Variants in DPF3 observed in about 807,000 individuals in gnomAD.
The protein encoded by DPF3 is zinc finger protein DPF3.
DPF3 carries 18 observed loss-of-function variants against 56.8 expected under a neutral mutation model. The ratio of observed to expected loss-of-function variants is 0.32; its 90% CI spans 0.22 to 0.47. The LOEUF (loss-of-function observed/expected upper bound fraction) is 0.47. Among genes scored for constraint, DPF3 ranks in the 20% least tolerant of loss-of-function variants. DPF3 has a pLI of 1.00. For missense variants in DPF3, 403 were observed against 488.8 expected (o/e 0.82, Z 1.65); for synonymous variants, 188 against 180.2 (o/e 1.04, Z -0.35).
chr14:72,710,566 G>A (rs1260553379), intron 6 of DPF3, among the ~76,000 whole-genome samples: 5 of 152,186 alleles, frequency 3.3e-5, no homozygotes, highest in African/African-American at 7.2e-5. Flanking sequence ...CCTGAAGAGC[G>A]CTCAGAAAAT....
chr14:72,642,642 G>A (rs148439841), intron 8 of DPF3, among the ~76,000 whole-genome samples: 8 of 152,258 alleles, frequency 5.3e-5, no homozygotes, highest in Non-Finnish European at 1.0e-4. Flanking sequence ...GGCATGGCCC[G>A]AGGAGACTCA....
rs191683551 is a variant in DPF3 at position 72,726,104 on chromosome 14, G to A, written c.430-2376C>T. ...GTAGGTGGGAACACTAGCAAAAGCC[G>A]ACTGAGACAGTGACAGGTCAAATGC... On this transcript the variant is annotated intron_variant, in intron 4 of 10. Transcript: ENST00000556509. Among the ~76,000 whole-genome samples, 255 of 152,298 alleles carry A rather than the reference G, an allele frequency of 1.7e-3. 1 individual carries two copies. Among genetic ancestry groups the A allele is most frequent in the Non-Finnish European group, 2.5e-3 (169 of 68,022 alleles).
At chr14:72,673,758 G>T (rs1466811527) in intron 8 of DPF3, among the ~76,000 whole-genome samples, 1 of 152,080 alleles carries the variant, frequency 6.6e-6, no homozygotes, top group Non-Finnish European at 1.5e-5. Context: ...TATGCAGCTA[G>T]CCAGGAGCCC....
chr14:72,832,099 C>T (rs1307917680), intron 1 of DPF3, among the ~76,000 whole-genome samples: 2 of 152,086 alleles, frequency 1.3e-5, no homozygotes, highest in African/African-American at 4.8e-5. Flanking sequence ...CACCTGTAGT[C>T]CCAGCTACTC....
intron 1 of DPF3, among the ~76,000 whole-genome samples, chr14:72,870,991 T>G (rs1229714991): frequency 1.4e-4 from 22 of 151,784 alleles, no homozygotes; most frequent in Non-Finnish European, 2.4e-4. Context: ...GGACTTAAAG[T>G]CCTCAGAATC....
At chr14:72,651,991 C>T (rs76659239) in intron 8 of DPF3, among the ~76,000 whole-genome samples, 2,881 of 152,330 alleles carry the variant, frequency 0.019, 57 homozygotes, top group East Asian at 0.095. Context: ...GCTGGCACGA[C>T]TCTGTCACTG....
chr14:72,885,382 GTTT>G (rs1886505356), intron 1 of DPF3, among the ~76,000 whole-genome samples: 1 of 125,108 alleles, frequency 8.0e-6, no homozygotes, highest in African/African-American at 2.8e-5. Flanking sequence ...TTGTTTGTTT[GTTT>G]GTTTGTTTGT....
chr14:72,797,688 A>G (rs545594418), intron 1 of DPF3, among the ~76,000 whole-genome samples: 3 of 152,328 alleles, frequency 2.0e-5, no homozygotes, highest in South Asian at 4.1e-4. Flanking sequence ...CCTAGCCAAC[A>G]TCCTTTTCCA....
At chr14:72,631,687 T>G (rs113048027) in intron 8 of DPF3, among the ~76,000 whole-genome samples, 2,913 of 152,328 alleles carry the variant, frequency 0.019, 99 homozygotes, top group African/African-American at 0.066. Flanking sequence ...GGCAGGCCAT[T>G]GTGCTAGACA....
intron 1 of DPF3, among the ~76,000 whole-genome samples, chr14:72,808,172 G>A (rs1487382430): frequency 1.3e-5 from 2 of 152,106 alleles, no homozygotes; most frequent in Non-Finnish European, 2.9e-5. Flanking sequence ...CTGGAGGTCT[G>A]GAAGCAGGAA....
At position 72,613,883 on chromosome 14, in the gene DPF3, C is replaced by T. The variant is rs1272470583; in HGVS notation, c.*5414G>A. The stretch of plus-strand genomic sequence containing the variant: ...GGACAGCTGCTGAGAGGCTCTAAGG[C>T]AGTTCCCACTCGCTCTGCCTGGGAG... On this transcript the variant is annotated 3_prime_UTR_variant, in exon 11 of 11. Transcript: ENST00000556509. 2.0e-5 allele frequency among the ~76,000 whole-genome samples: 3 copies of T among 152,212 alleles called. No individual in the cohort carries two copies. The highest frequency in any genetic ancestry group is 7.2e-5 in the African/African-American group (3 of 41,448).
intron 1 of DPF3, among the ~76,000 whole-genome samples, chr14:72,794,548 T>C (rs1262413861): frequency 2.0e-5 from 3 of 152,072 alleles, no homozygotes; most frequent in Non-Finnish European, 4.4e-5. Flanking sequence ...AGCAGAAACC[T>C]ATCTCACAGC....
chr14:72,650,514 C>T (rs1885877600), intron 8 of DPF3, among the ~76,000 whole-genome samples: 2 of 152,204 alleles, frequency 1.3e-5, no homozygotes, highest in South Asian at 2.1e-4. Context: ...CTGTCTGTTT[C>T]CTTCTCTGTT....
chr14:72,885,819 A>T (rs1016281611), intron 1 of DPF3, among the ~76,000 whole-genome samples: 5 of 152,254 alleles, frequency 3.3e-5, no homozygotes, highest in Non-Finnish European at 7.3e-5. Context: ...ATCGGCAGTT[A>T]AACAGGTAAA....
intron 1 of DPF3, among the ~76,000 whole-genome samples, chr14:72,861,794 A>AGAAAGAAAGAAG: frequency 1.3e-5 from 2 of 150,732 alleles, no homozygotes; most frequent in African/African-American, 2.5e-5. Flanking sequence ...AAAGAAAGAA[A>AGAAAGAAAGAAG]GAAAGAAAGA....
At position 72,716,734 on chromosome 14, in the gene DPF3, G is replaced by A. The variant is rs372920150; in HGVS notation, c.526-2233C>T. ...ATTCGCCAAATGGATGAATCAATCA[G>A]GCAGGCAGCGAGTCAGTCATCTCTG... On this transcript the variant is annotated intron_variant, in intron 5 of 10. Transcript: ENST00000556509. 2.0e-5 allele frequency among the ~76,000 whole-genome samples: 3 copies of A among 152,290 alleles called. No homozygotes were observed. In the East Asian group the frequency reaches 5.8e-4, roughly 29 times the overall value.
At chr14:72,705,504 C>G (rs1205688112) in intron 6 of DPF3, among the ~76,000 whole-genome samples, 1 of 152,138 alleles carries the variant, frequency 6.6e-6, no homozygotes, top group African/African-American at 2.4e-5. Flanking sequence ...CTGCCCTCCG[C>G]CCCTGGTCCG....
chr14:72,825,092 C>A (rs1024799631), intron 1 of DPF3, among the ~76,000 whole-genome samples: 1 of 149,458 alleles, frequency 6.7e-6, no homozygotes, highest in African/African-American at 2.5e-5. Context: ...TTCACCATGT[C>A]GGCCAGGCTG....
intron 7 of DPF3, among the ~76,000 whole-genome samples, chr14:72,676,770 C>A (rs139112386): frequency 4.0e-4 from 61 of 152,310 alleles, no homozygotes; most frequent in African/African-American, 1.4e-3. Context: ...GCCTCCCCAG[C>A]CAGGTGGAAC....
Sources: allele counts gnomAD v4.1 joint callset (sites outside exome capture counted in the v4.1 genomes callset), GRCh38; gene constraint gnomAD v4.1.1; transcripts MANE v1.5; gene names NCBI Gene and HGNC (gene_info 2026-07-23, HGNC 2026-07-21).